The following MED17 variants were observed in gnomAD, a reference collection of about 807,000 sequenced individuals.
MED17 encodes the protein mediator complex subunit 17, also known as mediator of RNA polymerase II transcription subunit 17.
In MED17, 49 loss-of-function variants were observed where a neutral mutation model predicts 80.8. That is an observed-to-expected ratio of 0.61 (90% CI 0.48 to 0.77). The LOEUF is 0.77. MED17 is among the 30% of genes least tolerant of loss of function. The probability of loss-of-function intolerance (pLI) is 0.00; values close to 1 mark genes in which losing one functional copy is unlikely to be tolerated. For missense variants in MED17, 718 were observed against 787.0 expected, an observed-to-expected ratio of 0.91 and a Z score of 1.05; for synonymous variants, 281 against 280.4, an observed-to-expected ratio of 1.00 and a Z score of -0.02.
At position 93,813,545 on chromosome 11, in the gene MED17, G is replaced by T. The variant is rs1268946265; in HGVS notation, c.*1481G>T. ...CTTTTATGTGATTTTGAAGGCTCAG[G>T]CTAGAAGAGTGAGTCTGAGACTTTT... On this transcript the variant is annotated 3_prime_UTR_variant, in exon 12 of 12. Coordinates refer to ENST00000251871, the MANE Select transcript of MED17 (RefSeq NM_004268.5). 6.6e-6 allele frequency: 1 copy of T among 152,174 alleles called. No individual in the cohort carries two copies. Among genetic ancestry groups the T allele is most frequent in the Non-Finnish European group, 1.5e-5 (1 of 68,038 alleles). The allele number at this position is 152,174 out of a possible 1,614,324, so 9.4% of individuals were successfully genotyped here.
chr11:93,800,439 G>C (rs1229182679), intron 8 of MED17, among the ~76,000 whole-genome samples: 1 of 152,054 alleles, frequency 6.6e-6, no homozygotes, highest in Non-Finnish European at 1.5e-5. Context: ...CACCAGCCTG[G>C]CCAACATGGC....
chr11:93,787,854 C>A, intron 1 of MED17, 147 bp from the exon 2 acceptor site: 1 of 718,820 alleles, frequency 1.4e-6, no homozygotes, highest in Non-Finnish European at 2.4e-6. Flanking sequence ...TTTTAAGAAA[C>A]GGTAGAGGAG....
intron 10 of MED17, 149 bp downstream of exon 10, chr11:93,807,784 T>G: frequency 1.4e-6 from 1 of 701,298 alleles, no homozygotes; most frequent in Non-Finnish European, 2.6e-6. Flanking sequence ...TAATTTCTAA[T>G]GCACATTTTA....
At chr11:93,799,437 A>G (rs1186187898) in intron 8 of MED17, among the ~76,000 whole-genome samples, 3 of 152,272 alleles carry the variant, frequency 2.0e-5, no homozygotes, top group East Asian at 1.9e-4. Context: ...TGGCCTCCCA[A>G]AGTGCTGGGA....
chr11:93,792,900 C>A (rs1371135672), intron 3 of MED17, among the ~76,000 whole-genome samples: 2 of 151,882 alleles, frequency 1.3e-5, no homozygotes, highest in Non-Finnish European at 2.9e-5. Context: ...ATGATTACAC[C>A]ACCACACTGC....
Position 93,784,742 on chromosome 11 carries a change from G to T in MED17, c.229G>T (p.Ala77Ser). 1.3e-6 allele frequency: 2 copies of T among 1,542,344 alleles called. No homozygotes were observed. Among genetic ancestry groups the T allele is most frequent in the East Asian group, 4.8e-5 (2 of 41,648 alleles). Reference sequence around the variant, plus strand: ...GGAGTGGCCGGGCGCCGGGTCCAGCGCAGACCAGGACGACGAGGAAGGTAA... The same window carrying T: ...GGAGTGGCCGGGCGCCGGGTCCAGCTCAGACCAGGACGACGAGGAAGGTAA... ...AQEWPGAGSS[A>S]DQDDEEGVVK... The change falls in exon 1 of 12, where the codon GCA (alanine) becomes TCA (serine). Residue 77 changes from alanine (A) to serine (S), a missense_variant. Physicochemically the swap from Ala to Ser is moderately conservative, Grantham distance 99 (BLOSUM62 1). Coordinates refer to ENST00000251871, the MANE Select transcript of MED17 (RefSeq NM_004268.5).
rs1555031931 is a variant in MED17, at chr11:93,788,087, T to C, written c.337T>C (p.Tyr113His). 1.2e-6 allele frequency: 2 copies of C among 1,613,728 alleles called. No individual in the cohort carries two copies. Among genetic ancestry groups the C allele is most frequent in the African/African-American group, 2.7e-5 (2 of 75,060 alleles). Residue 113 changes from tyrosine to histidine, a missense_variant, in exon 2 of 12, where the codon TAT becomes CAT. Tyr to His is a moderately conservative substitution (Grantham distance 83). Coordinates refer to ENST00000251871, the MANE Select transcript of MED17 (RefSeq NM_004268.5). Reference protein sequence around the residue: ...RSALTEMCVLYDVLSIVRDKK... With the variant: ...RSALTEMCVLHDVLSIVRDKK... ...TGCCCTGACAGAGATGTGTGTTCTC[T>C]ATGATGTTCTCAGTATTGTTAGGGA...
At position 93,812,291 on chromosome 11, in the gene MED17, AAAT is replaced by A. The variant is rs1386699322; in HGVS notation, c.*232_*234del. On this transcript the variant is annotated 3_prime_UTR_variant, in exon 12 of 12. Transcript: ENST00000251871. ...TGTATATACAGTATGACAAGATGTA[AAAT>A]AATATGTTTTTCATGCAGTTTAAAA... 37 of 581,806 alleles carry A rather than the reference AAAT, an allele frequency of 6.4e-5. No individual in the cohort carries two copies. The highest frequency in any genetic ancestry group is 1.1e-4 in the Non-Finnish European group (35 of 330,576). The allele number at this position is 581,806 out of a possible 1,614,324, so 36.0% of individuals were successfully genotyped here.
intron 7 of MED17, among the ~76,000 whole-genome samples, chr11:93,796,760 T>G (rs2135715064): frequency 6.6e-6 from 1 of 152,234 alleles, no homozygotes; most frequent in Non-Finnish European, 1.5e-5. Context: ...ATACACAGGT[T>G]TTCAAGTAGA....
intron 1 of MED17, among the ~76,000 whole-genome samples, chr11:93,787,222 A>T (rs1005343908): frequency 6.6e-6 from 1 of 151,818 alleles, no homozygotes; most frequent in Non-Finnish European, 1.5e-5. Context: ...GACCATCCTG[A>T]CTAACATGGT....
At chr11:93,791,731 G>C (rs958224282) in intron 3 of MED17, among the ~76,000 whole-genome samples, 2 of 151,970 alleles carry the variant, frequency 1.3e-5, no homozygotes, top group African/African-American at 4.8e-5. Flanking sequence ...AACTGGACAT[G>C]ATGCAATTCT....
chr11:93,795,467 G>A (rs534522914), intron 6 of MED17: 11 of 184,340 alleles, frequency 6.0e-5, no homozygotes, highest in Non-Finnish European at 1.0e-4. Flanking sequence ...ATGGGAGGCC[G>A]AGGCGGGCAT....
intron 3 of MED17, among the ~76,000 whole-genome samples, chr11:93,791,718 G>A (rs1003790747): frequency 6.6e-6 from 1 of 151,854 alleles, no homozygotes; most frequent in East Asian, 1.9e-4. Context: ...AAAACCAAAC[G>A]AAAACTGGAC....
At chr11:93,793,692 CTG>C (rs765545638) in intron 3 of MED17, 34 bp from the exon 4 acceptor site, 1 of 1,405,562 alleles carries the variant, frequency 7.1e-7, no homozygotes, top group East Asian at 2.3e-5. Flanking sequence ...AATATGTTAA[CTG>C]TTTTATATTT....
Position 93,790,428 on chromosome 11 carries a change from G to A in MED17, c.418-146G>A, listed in dbSNP as rs1316667957. 1.2e-5 allele frequency: 9 copies of A among 730,010 alleles called. No homozygotes were observed. The East Asian group carries it at 2.3e-4, about 19-fold the overall frequency. The allele number at this position is 730,010 out of a possible 1,614,324, so 45.2% of individuals were successfully genotyped here. ...TGAGTTGGACAAAGAAATAGGTTAAGGTTATTATTTTATTAAAAACACTGT... is the reference window on the plus strand; with the variant it reads ...TGAGTTGGACAAAGAAATAGGTTAAAGTTATTATTTTATTAAAAACACTGT... On this transcript the variant is annotated intron_variant, in intron 2 of 11. Transcript: ENST00000251871.
rs1943745433 is a variant in MED17 at position 93,784,452 on chromosome 11, C to T, written c.-62C>T. On this transcript the variant is annotated 5_prime_UTR_variant, in exon 1 of 12. Coordinates refer to ENST00000251871, the MANE Select transcript of MED17 (RefSeq NM_004268.5). ...TCCCGGCTCTCCGCAGGGAAGCCTC[C>T]TCTTCGTACCTCGTTTTTTGGCTCG... 1 of 1,545,634 alleles carries T rather than the reference C, an allele frequency of 6.5e-7. No individual in the cohort carries two copies. The highest frequency in any genetic ancestry group is 8.7e-7 in the Non-Finnish European group (1 of 1,147,812).
At chr11:93,807,310 G>A (rs1944036268) in intron 9 of MED17, 1 of 485,144 alleles carries the variant, frequency 2.1e-6, no homozygotes, top group African/African-American at 2.0e-5. Context: ...CTACTTGGGA[G>A]GCTGAGGCAG....
intron 1 of MED17, among the ~76,000 whole-genome samples, chr11:93,786,604 A>T (rs1317018027): frequency 2.6e-5 from 4 of 151,620 alleles, no homozygotes; most frequent in African/African-American, 9.7e-5. Context: ...AGTATGTGGG[A>T]CTGTAGGCGT....
At chr11:93,806,399 C>T (rs1358442803) in intron 9 of MED17, 4 of 152,088 alleles carry the variant, frequency 2.6e-5, no homozygotes, top group African/African-American at 9.7e-5. Context: ...CTGTTTTTTC[C>T]TGCATTTTGT....
Sources: gnomAD v4.1 joint callset for allele counts (sites outside exome capture counted in the v4.1 genomes callset) on GRCh38, gnomAD v4.1.1 for gene constraint, MANE v1.5 for transcripts, NCBI Gene and HGNC (gene_info 2026-07-23, HGNC 2026-07-21) for gene names.